The following NCK2 variants were observed in gnomAD, a reference collection of about 807,000 sequenced individuals.
NCK2 encodes NCK adaptor protein 2, also known as cytoplasmic protein NCK2.
NCK2 carries 16 observed loss-of-function variants against 33.9 expected under a neutral mutation model. That is an observed-to-expected ratio of 0.47 (90% CI 0.32 to 0.72). The LOEUF (loss-of-function observed/expected upper bound fraction) is 0.72. Ranked by LOEUF, NCK2 falls within the 30% of genes least tolerant of loss-of-function variation. The pLI, the probability that NCK2 is intolerant of heterozygous loss-of-function variation, is 0.03. For synonymous variants in NCK2, 273 were observed against 239.9 expected, an observed-to-expected ratio of 1.14 and a Z score of -1.27; for missense variants, 418 against 537.3, an observed-to-expected ratio of 0.78 and a Z score of 2.19.
chr2:105,754,344 A>T (rs992975495), intron 1 of NCK2, among the ~76,000 whole-genome samples: 1 of 152,218 alleles, frequency 6.6e-6, no homozygotes, highest in Non-Finnish European at 1.5e-5. Context: ...GATCACAGGG[A>T]GATGCCTAGA....
intron 2 of NCK2, among the ~76,000 whole-genome samples, chr2:105,826,896 G>A (rs1031922052): frequency 2.0e-5 from 3 of 152,150 alleles, no homozygotes; most frequent in Non-Finnish European, 4.4e-5. Context: ...AAAGAAAGCA[G>A]AAATTGTTAT....
intron 2 of NCK2, among the ~76,000 whole-genome samples, chr2:105,830,482 TG>T (rs1676127966): frequency 6.6e-6 from 1 of 152,208 alleles, no homozygotes; most frequent in African/African-American, 2.4e-5. Flanking sequence ...AATCTGTTAA[TG>T]GACACTTAGG....
At chr2:105,833,625 TA>T (rs1456671191) in intron 2 of NCK2, among the ~76,000 whole-genome samples, 2 of 152,092 alleles carry the variant, frequency 1.3e-5, no homozygotes, top group African/African-American at 4.8e-5. Context: ...GCAATTTTCA[TA>T]TTTTTAAATA....
rs1368476667 is a variant in NCK2 at position 105,808,055 on chromosome 2, G to A, written c.-200-8375G>A. 3.9e-5 allele frequency among the ~76,000 whole-genome samples: 6 copies of A among 151,924 alleles called. 1 individual carries two copies. The highest frequency in any genetic ancestry group is 4.2e-4 in the South Asian group (2 of 4,810). Reference sequence around the variant, plus strand: ...GTAGCCGGGACTACAGGTGTGTACCGCTATGCCCAGCTAGTTTTTGTATTT... The same window carrying A: ...GTAGCCGGGACTACAGGTGTGTACCACTATGCCCAGCTAGTTTTTGTATTT... On this transcript the variant is annotated intron_variant, in intron 1 of 4. Transcript: ENST00000233154.
At chr2:105,771,766 C>T (rs943069485) in intron 1 of NCK2, among the ~76,000 whole-genome samples, 4 of 152,282 alleles carry the variant, frequency 2.6e-5, no homozygotes, top group Non-Finnish European at 4.4e-5. Flanking sequence ...CTGGGTTGAC[C>T]GCTACTGGCA....
intron 2 of NCK2, among the ~76,000 whole-genome samples, chr2:105,837,279 G>A (rs188872797): frequency 9.9e-4 from 151 of 152,188 alleles, no homozygotes; most frequent in Admixed American, 6.9e-3. Flanking sequence ...GATTTTTAAC[G>A]TTAGTTTTAC....
chr2:105,786,953 G>A (rs1164711046), intron 1 of NCK2, among the ~76,000 whole-genome samples: 11 of 152,368 alleles, frequency 7.2e-5, no homozygotes, highest in African/African-American at 1.7e-4. Context: ...GGGGACCTGC[G>A]AAACTTCAGC....
Position 105,762,455 on chromosome 2 carries a change from T to C in NCK2, c.-201+17317T>C, listed in dbSNP as rs150571648. Among the ~76,000 whole-genome samples, 432 of 152,314 alleles carry C rather than the reference T, an allele frequency of 2.8e-3. 4 individuals are homozygous for C. Among genetic ancestry groups the C allele is most frequent in the African/African-American group, 0.01 (421 of 41,560 alleles). On this transcript the variant is annotated intron_variant, in intron 1 of 4. Coordinates refer to ENST00000233154, the MANE Select transcript of NCK2 (RefSeq NM_003581.5). ...TGGACTCTGGAATCTAGAGATTCGC[T>C]GAAGCTCATGTCCCAGGGTCTTGAC...
chr2:105,875,105 C>T (rs1008172042), intron 3 of NCK2, among the ~76,000 whole-genome samples: 1 of 152,174 alleles, frequency 6.6e-6, no homozygotes, highest in African/African-American at 2.4e-5. Context: ...TAATGTGGCA[C>T]CTGTGGTGGT....
chr2:105,744,815 G>A (rs991558705), upstream of NCK2: 93 of 151,126 alleles, frequency 6.2e-4, no homozygotes, highest in African/African-American at 2.2e-3. Flanking sequence ...AGGAGCGCGG[G>A]AGGAGGAGGA....
intron 1 of NCK2, among the ~76,000 whole-genome samples, chr2:105,754,859 G>A (rs1316892300): frequency 6.6e-6 from 1 of 151,604 alleles, no homozygotes; most frequent in African/African-American, 2.4e-5. Context: ...TTCATCAAAC[G>A]ATTAAAAAAA....
intron 1 of NCK2, among the ~76,000 whole-genome samples, chr2:105,785,941 C>T (rs1323634584): frequency 1.3e-5 from 2 of 152,104 alleles, no homozygotes; most frequent in Admixed American, 6.5e-5. Flanking sequence ...TTAACTTGGG[C>T]GACTGGTTCC....
At position 105,881,724 on chromosome 2, in the gene NCK2, C is replaced by T. The variant is rs777924793; in HGVS notation, c.623C>T (p.Ser208Leu). 2 of 1,614,240 alleles carry T rather than the reference C, an allele frequency of 1.2e-6. No individual in the cohort carries two copies. The highest frequency in any genetic ancestry group is 1.7e-5 in the Admixed American group (1 of 60,028). The change falls in exon 4 of 5, where the codon TCA (serine) becomes TTA (leucine). Residue 208 changes from serine to leucine, a missense_variant. Coordinates refer to ENST00000233154, the MANE Select transcript of NCK2 (RefSeq NM_003581.5). The part of the protein sequence containing the change: ...HVVQTLYPFS[S>L]VTEEELNFEK... ...GTCCAGACGCTGTACCCCTTCAGCTCAGTCACCGAGGAGGAGCTCAACTTC... is the reference window on the plus strand; with the variant it reads ...GTCCAGACGCTGTACCCCTTCAGCTTAGTCACCGAGGAGGAGCTCAACTTC...
chr2:105,873,935 C>T (rs1317116254), intron 3 of NCK2, among the ~76,000 whole-genome samples: 1 of 152,120 alleles, frequency 6.6e-6, no homozygotes, highest in East Asian at 1.9e-4. Context: ...GCAAGGGTCC[C>T]GGGAGTGCCC....
At chr2:105,787,927 C>T (rs1010099431) in intron 1 of NCK2, among the ~76,000 whole-genome samples, 3 of 144,220 alleles carry the variant, frequency 2.1e-5, no homozygotes, top group Non-Finnish European at 3.0e-5. Context: ...ACTTGTAGAT[C>T]CCTGGCCCAT....
intron 4 of NCK2, among the ~76,000 whole-genome samples, chr2:105,883,479 AGTCCTGCAGTGTGGAGACATTG>A (rs956963003): frequency 7.2e-5 from 11 of 152,206 alleles, no homozygotes; most frequent in African/African-American, 2.4e-4. Context: ...CTCAGAAGGA[AGTCCTGCAGTGTGGAGACATTG>A]GTCCCAGTCA....
chr2:105,854,938 G>T lies in NCK2; in HGVS notation c.-16-110G>T, dbSNP rs942777372. 6 of 722,046 alleles carry T rather than the reference G, an allele frequency of 8.3e-6. No individual in the cohort carries two copies. In the South Asian group the frequency reaches 9.3e-5, roughly 11 times the overall value. 44.7% of individuals were successfully genotyped at this position (722,046 alleles called of 1,614,324 possible). ...GCATTTCAAGACCCAGGAGAAAACT[G>T]GTTGCAGAGTTGTAATAAAAGCTGT... On this transcript the variant is annotated intron_variant, in intron 2 of 4. Transcript: ENST00000233154.
At chr2:105,841,380 T>C (rs949797088) in intron 2 of NCK2, among the ~76,000 whole-genome samples, 17 of 152,226 alleles carry the variant, frequency 1.1e-4, no homozygotes, top group African/African-American at 4.1e-4. Context: ...TCACTCATTT[T>C]GGGTGTCACT....
At chr2:105,889,571 CT>C (rs35868906) in intron 4 of NCK2, among the ~76,000 whole-genome samples, 77,766 of 132,724 alleles carry the variant, frequency 0.59, 22,383 homozygotes, top group Middle Eastern at 0.67. Context: ...ATTTGCATTT[CT>C]TTTTTTTTTT....
Sources: gnomAD v4.1 joint callset for allele counts (sites outside exome capture counted in the v4.1 genomes callset) on GRCh38, gnomAD v4.1.1 for gene constraint, MANE v1.5 for transcripts, NCBI Gene and HGNC (gene_info 2026-07-23, HGNC 2026-07-21) for gene names.